RGL1: variants seen among roughly 807,000 people sequenced by gnomAD.
RGL1 encodes the protein ral guanine nucleotide dissociation stimulator-like 1.
A neutral mutation model predicts 95.2 loss-of-function variants in RGL1; 24 were observed. The observed-to-expected ratio is 0.25, with a 90% CI of 0.18 to 0.35. The LOEUF (loss-of-function observed/expected upper bound fraction) is 0.35. Among genes scored for constraint, RGL1 ranks in the 10% least tolerant of loss-of-function variants. The pLI, the probability that RGL1 is intolerant of heterozygous loss-of-function variation, is 1.00. For synonymous variants in RGL1, 329 were observed against 344.9 expected, an observed-to-expected ratio of 0.95 and a Z score of 0.51; for missense variants, 715 against 936.3, an observed-to-expected ratio of 0.76 and a Z score of 3.08.
Position 183,912,236 on chromosome 1 carries a change from C to T in RGL1, c.1717C>T (p.Pro573Ser), listed in dbSNP as rs1668686665. The T allele has an allele frequency of 1.9e-6, 3 of 1,613,916 alleles. No individual in the cohort carries two copies. Among genetic ancestry groups the T allele is most frequent in the Admixed American group, 1.7e-5 (1 of 59,986 alleles). The change falls in exon 15 of 18, where the codon CCC becomes TCC. Residue 573 changes from proline (P) to serine (S), a missense_variant. This residue lies in a region of RGL1 where 330 missense variants were observed against 429.6 expected (regional missense o/e 0.77). Coordinates refer to ENST00000360851, the MANE Select transcript of RGL1 (RefSeq NM_001297671.3). The part of the protein sequence containing the change: ...HSEAEEGSIT[P>S]MDTPDEPQKK... ...AGAGGCTGAGGAGGGCTCCATTACT[C>T]CCATGGACACCCCTGATGAGCCTCA...
intron 1 of RGL1, chr1:183,636,594 G>A (rs1451501575): frequency 6.2e-6 from 1 of 160,652 alleles, no homozygotes; most frequent in Non-Finnish European, 1.4e-5. Flanking sequence ...TTTGGGAAAG[G>A]GTCATTGACA....
chr1:183,925,092 G>T (rs906995958), intron 17 of RGL1, among the ~76,000 whole-genome samples: 3 of 152,326 alleles, frequency 2.0e-5, no homozygotes, highest in East Asian at 3.9e-4. Flanking sequence ...CAGATGTCTA[G>T]TTGGGAATCA....
intron 4 of RGL1, among the ~76,000 whole-genome samples, chr1:183,866,741 C>A (rs1270831734): frequency 6.6e-6 from 1 of 152,150 alleles, no homozygotes; most frequent in African/African-American, 2.4e-5. Context: ...GTGCTGTGGC[C>A]TGACACATCT....
chr1:183,891,169 A>G (rs1667394622), intron 8 of RGL1, among the ~76,000 whole-genome samples: 1 of 152,166 alleles, frequency 6.6e-6, no homozygotes, highest in Admixed American at 6.5e-5. Context: ...GAGTAATATT[A>G]CACTCACTAT....
intron 1 of RGL1, among the ~76,000 whole-genome samples, chr1:183,736,247 T>C (rs1572348049): frequency 1.3e-5 from 2 of 152,222 alleles, no homozygotes; most frequent in Non-Finnish European, 2.9e-5. Context: ...TTTCACTGTT[T>C]TGTTTAGTAG....
chr1:183,817,530 C>T (rs1185242646), intron 2 of RGL1, among the ~76,000 whole-genome samples: 2 of 152,132 alleles, frequency 1.3e-5, no homozygotes, highest in African/African-American at 4.8e-5. Context: ...GACCTTCCTT[C>T]TATTCATATG....
chr1:183,887,503 C>T (rs1157992949), intron 7 of RGL1, among the ~76,000 whole-genome samples: 1 of 152,108 alleles, frequency 6.6e-6, no homozygotes, highest in Non-Finnish European at 1.5e-5. Flanking sequence ...AATACGTGCT[C>T]ACATGGTGTA....
At chr1:183,776,127 A>C (rs1226687803) in intron 2 of RGL1, among the ~76,000 whole-genome samples, 1 of 151,128 alleles carries the variant, frequency 6.6e-6, no homozygotes, top group African/African-American at 2.4e-5. Flanking sequence ...CTTACAGTTC[A>C]GTGGGGAATA....
chr1:183,896,213 T>C (rs529717765), intron 9 of RGL1, among the ~76,000 whole-genome samples: 1 of 152,328 alleles, frequency 6.6e-6, no homozygotes, highest in East Asian at 1.9e-4. Flanking sequence ...AAGGCGCATA[T>C]TAGGCTGCTT....
intron 1 of RGL1, among the ~76,000 whole-genome samples, chr1:183,693,407 A>C (rs886335077): frequency 6.6e-6 from 1 of 152,026 alleles, no homozygotes; most frequent in Admixed American, 6.6e-5. Flanking sequence ...TGGAAGCTGA[A>C]AATGATTTGG....
chr1:183,675,436 C>T (rs1029565392), intron 1 of RGL1, among the ~76,000 whole-genome samples: 11 of 131,598 alleles, frequency 8.4e-5, no homozygotes, highest in African/African-American at 3.0e-4. Context: ...TATCTTGGAA[C>T]ATATCTAAGG....
chr1:183,853,412 G>A (rs968855639), intron 3 of RGL1, among the ~76,000 whole-genome samples: 3 of 152,140 alleles, frequency 2.0e-5, no homozygotes, highest in African/African-American at 7.2e-5. Flanking sequence ...CAAGCTGATG[G>A]CACTCAGGTC....
At chr1:183,752,262 C>G (rs578079210) in intron 2 of RGL1, among the ~76,000 whole-genome samples, 27 of 151,356 alleles carry the variant, frequency 1.8e-4, no homozygotes, top group Non-Finnish European at 1.5e-5. Context: ...GAGTCTCACT[C>G]TGTCACCAGG....
intron 9 of RGL1, among the ~76,000 whole-genome samples, chr1:183,893,948 A>T (rs1401270868): frequency 6.6e-6 from 1 of 152,244 alleles, no homozygotes; most frequent in African/African-American, 2.4e-5. Flanking sequence ...TTTTAACAAT[A>T]TGCCCACTAT....
chr1:183,904,558 G>A (rs1182019121), intron 12 of RGL1, among the ~76,000 whole-genome samples: 2 of 152,076 alleles, frequency 1.3e-5, no homozygotes, highest in South Asian at 2.1e-4. Flanking sequence ...GTAACTTAAC[G>A]TAGTGACTAG....
At chr1:183,695,236 T>G (rs1046257434) in intron 1 of RGL1, among the ~76,000 whole-genome samples, 3 of 152,218 alleles carry the variant, frequency 2.0e-5, no homozygotes, top group Non-Finnish European at 2.9e-5. Context: ...CACATTATAT[T>G]TCCACCTTCT....
chr1:183,700,183 GC>G (rs1416512094), intron 1 of RGL1, among the ~76,000 whole-genome samples: 2 of 152,080 alleles, frequency 1.3e-5, no homozygotes, highest in East Asian at 3.9e-4. Context: ...CCCATAAAAA[GC>G]CATACTGCAC....
intron 2 of RGL1, among the ~76,000 whole-genome samples, chr1:183,775,938 TTAAC>T (rs1275016804): frequency 6.6e-6 from 1 of 152,128 alleles, no homozygotes; most frequent in Non-Finnish European, 1.5e-5. Context: ...TTCTATGTCT[TTAAC>T]AGTTCTAAAA....
chr1:183,696,226 C>T lies in RGL1; in HGVS notation c.-32-45900C>T, dbSNP rs12090656. Among the ~76,000 whole-genome samples, 281 of 152,228 alleles carry T rather than the reference C, an allele frequency of 1.8e-3. 6 individuals carry two copies. In the East Asian group the frequency reaches 0.043, roughly 23 times the overall value. ...ATCACTCCACTTACTCTCCAAGGCT[C>T]GCGCTCTCCTGGCTTTCTTCCCATC... On this transcript the variant is annotated intron_variant, in intron 1 of 18. Transcript: ENST00000304685.
Sources: gnomAD v4.1 joint callset for allele counts (sites outside exome capture counted in the v4.1 genomes callset) on GRCh38, gnomAD v4.1.1 for gene constraint, gnomAD v4.1.1 regional missense constraint, MANE v1.5 for transcripts, NCBI Gene and HGNC (gene_info 2026-07-23, HGNC 2026-07-21) for gene names.